Variants in RBM44 observed in about 807,000 individuals in gnomAD.
RBM44 encodes RNA binding motif protein 44.
In RBM44, 66 loss-of-function variants were observed where a neutral mutation model predicts 105.1. The ratio of observed to expected loss-of-function variants is 0.63; its 90% CI spans 0.52 to 0.77. The LOEUF (loss-of-function observed/expected upper bound fraction) is 0.77. Among genes scored for constraint, RBM44 ranks in the 30% least tolerant of loss-of-function variants. The pLI, the probability that RBM44 is intolerant of heterozygous loss-of-function variation, is 0.00. For missense variants in RBM44, 1,122 were observed against 1,207.8 expected (o/e 0.93, Z 1.05); for synonymous variants, 365 against 417.6 (o/e 0.87, Z 1.54).
chr2:237,804,414 C>G (rs2061577871), intron 1 of RBM44, among the ~76,000 whole-genome samples: 1 of 152,212 alleles, frequency 6.6e-6, no homozygotes, highest in Non-Finnish European at 1.5e-5. Context: ...TTCCCACCAA[C>G]AGTTCCCCTT....
chr2:237,801,911 G>T (rs1362398920), intron 1 of RBM44, among the ~76,000 whole-genome samples: 1 of 151,934 alleles, frequency 6.6e-6, no homozygotes, highest in African/African-American at 2.4e-5. Flanking sequence ...CCCAAAGTAG[G>T]TACAGGTTAT....
intron 12 of RBM44, 60 bp downstream of exon 12, chr2:237,827,563 C>G (rs1322220723): frequency 4.5e-5 from 43 of 960,312 alleles, no homozygotes; most frequent in Non-Finnish European, 6.4e-5. Context: ...GCCAAAGGTT[C>G]TATACCAGAT....
intron 15 of RBM44, among the ~76,000 whole-genome samples, chr2:237,839,564 C>A (rs114364971): frequency 6.6e-6 from 1 of 152,074 alleles, no homozygotes; most frequent in Non-Finnish European, 1.5e-5. Flanking sequence ...CCACTGCGCC[C>A]GGCCCCTAAA....
At chr2:237,815,776 T>A (rs1018261955) in intron 2 of RBM44, among the ~76,000 whole-genome samples, 1 of 152,140 alleles carries the variant, frequency 6.6e-6, no homozygotes, top group Non-Finnish European at 1.5e-5. Context: ...TACTATCATC[T>A]CTAATTGGCC....
Position 237,824,267 on chromosome 2 carries a change from A to G in RBM44, c.2321-24A>G, listed in dbSNP as rs201288906. ...GTGTTGGACGTTACGTGTCATTCAT[A>G]GCTCACTGTGTTGAGTGTCTTAGAC... On this transcript the variant is annotated intron_variant, in intron 9 of 15. Transcript: ENST00000316997. 2.5e-5 allele frequency: 41 copies of G among 1,611,174 alleles called. No homozygotes were observed. The Admixed American group carries it at 5.3e-4, about 21-fold the overall frequency.
chr2:237,813,282 T>C (rs530443513), intron 1 of RBM44, among the ~76,000 whole-genome samples: 7 of 152,348 alleles, frequency 4.6e-5, no homozygotes, highest in African/African-American at 1.7e-4. Context: ...TGAGGTAACA[T>C]ATATCAATAG....
chr2:237,813,174 A>G (rs920384026), intron 1 of RBM44, among the ~76,000 whole-genome samples: 1 of 151,944 alleles, frequency 6.6e-6, no homozygotes, highest in Non-Finnish European at 1.5e-5. Flanking sequence ...CTCTATATAC[A>G]TTTTCTTGCT....
Position 237,803,361 on chromosome 2 carries a change from TCACACA to T in RBM44, c.-19+4511_-19+4516del, listed in dbSNP as rs150780739. Reference sequence around the variant, plus strand: ...CACACACACATACTTTCTCTCTCACTCACACACACACACACAAATTTTAAGCCATTC... The same window carrying T: ...CACACACACATACTTTCTCTCTCACTCACACACACAAATTTTAAGCCATTC... On this transcript the variant is annotated intron_variant, in intron 1 of 15. Coordinates refer to ENST00000316997, the MANE Select transcript of RBM44 (RefSeq NM_001080504.3). This position sits in a 1 kb window ranked among gnomAD's most constrained non-coding sequence, Gnocchi z 4.2. 1.4e-5 allele frequency among the ~76,000 whole-genome samples: 2 copies of T among 146,240 alleles called. No individual in the cohort carries two copies. The highest frequency in any genetic ancestry group is 3.0e-5 in the Non-Finnish European group (2 of 65,662).
In RBM44 at chr2:237,817,230, A is replaced by G. The variant is rs776013072; in HGVS notation, c.311A>G (p.Asp104Gly). ...TCAAGTGAACTTGAAGACAGTACTG[A>G]CTATGCTTTCTTGAATAAAACATAT... Reference protein sequence around the residue: ...FQSSELEDSTDYAFLNKTYSI... With the variant: ...FQSSELEDSTGYAFLNKTYSI... The change falls in exon 3 of 16, where the codon GAC (aspartate) becomes GGC (glycine). Residue 104 changes from aspartate to glycine, a missense_variant. Transcript: ENST00000316997. 6.2e-7 allele frequency: 1 copy of G among 1,604,724 alleles called. No individual in the cohort carries two copies. Among genetic ancestry groups the G allele is most frequent in the Non-Finnish European group, 8.5e-7 (1 of 1,176,426 alleles).
intron 12 of RBM44, 67 bp downstream of exon 12, chr2:237,827,570 A>G: frequency 3.3e-6 from 3 of 897,494 alleles, no homozygotes; most frequent in South Asian, 1.5e-5. Flanking sequence ...GTTCTATACC[A>G]GATATCAGCC....
chr2:237,823,611 A>C, intron 9 of RBM44, 57 bp downstream of exon 9: 1 of 740,856 alleles, frequency 1.3e-6, no homozygotes, highest in Non-Finnish European at 2.3e-6. Flanking sequence ...TAAGGTTTAA[A>C]GTATTGGTAG....
intron 5 of RBM44, 166 bp from the exon 6 acceptor site, chr2:237,820,905 T>C: frequency 1.9e-6 from 1 of 513,486 alleles, no homozygotes; most frequent in Non-Finnish European, 3.4e-6. Flanking sequence ...TTTTACAAAT[T>C]AGCTGGGCAT....
In RBM44 at chr2:237,834,102, A is replaced by G. The variant is rs2061932523; in HGVS notation, c.2992A>G (p.Ile998Val). The change falls in exon 14 of 16, where the codon ATC becomes GTC. Residue 998 changes from isoleucine to valine, a missense_variant. Transcript: ENST00000316997. The part of the protein sequence containing the change: ...NTLNLRSFTK[I>V]IKRLAELHPE... ...ATTGAACCTTCGTAGCTTTACCAAG[A>G]TCATAAAGAGACTGGCTGAACTGCA... is the stretch of plus-strand genomic sequence containing the variant. The G allele has an allele frequency of 6.3e-7, 1 of 1,582,288 alleles. No individual in the cohort carries two copies. The highest frequency in any genetic ancestry group is 1.3e-5 in the African/African-American group (1 of 74,434).
In RBM44 at chr2:237,817,580, A is replaced by G. The variant is rs1306640788; in HGVS notation, c.661A>G (p.Asn221Asp). 6.2e-7 allele frequency: 1 copy of G among 1,612,620 alleles called. No homozygotes were observed. The highest frequency in any genetic ancestry group is 1.3e-5 in the African/African-American group (1 of 74,888). Residue 221 changes from asparagine (N) to aspartate (D), a missense_variant, in exon 3 of 16, where the codon AAT (asparagine) becomes GAT (aspartate). Physicochemically the swap from Asn to Asp is conservative, Grantham distance 23. Around this residue, in one of 3 missense-constraint regions of RBM44, gnomAD observed 918 missense variants for 955.3 expected, o/e 0.96. Transcript: ENST00000316997. ...TAATCCAGAAGTTGTTGAATTAGGA[A>G]ATTCGGGTTATGAAGTTAAATGTGC... ...ISNPEVVELG[N>D]SGYEVKCASN...
At chr2:237,812,073 C>CTCG (rs151096961) in intron 1 of RBM44, among the ~76,000 whole-genome samples, 4,012 of 152,250 alleles carry the variant, frequency 0.026, 181 homozygotes, top group African/African-American at 0.091. Context: ...CCAGCCTAGT[C>CTCG]TCGAACTCCT....
intron 15 of RBM44, among the ~76,000 whole-genome samples, chr2:237,839,703 G>A (rs775851418): frequency 5.3e-5 from 8 of 152,070 alleles, no homozygotes; most frequent in South Asian, 2.1e-4. Flanking sequence ...AGAAGAAAAC[G>A]GTGGAAAACT....
In RBM44 at chr2:237,817,346, GT is replaced by G. The variant is rs746070623; in HGVS notation, c.435del (p.Phe145LeufsTer53). 5.0e-6 allele frequency: 8 copies of G among 1,600,596 alleles called. No individual in the cohort carries two copies. In the East Asian group the frequency reaches 6.7e-5, roughly 13 times the overall value. On this transcript the variant is annotated frameshift_variant, in exon 3 of 16. Coordinates refer to ENST00000316997, the MANE Select transcript of RBM44 (RefSeq NM_001080504.3). LOFTEE classifies it high-confidence loss of function. ...TCCTGAAGTGCAGAAAAAAGAGGAGGTTTTTTTTAATATTTTGGAACATCAA... is the reference window on the plus strand; with the variant it reads ...TCCTGAAGTGCAGAAAAAAGAGGAGGTTTTTTTAATATTTTGGAACATCAA... Reference protein sequence around the residue: ...LDPEVQKKEEVFFNILEHQDK... With the variant: ...LDPEVQKKEEXFFNILEHQDK...
At chr2:237,821,025 A>G in intron 5 of RBM44, 46 bp from the exon 6 acceptor site, 1 of 1,373,220 alleles carries the variant, frequency 7.3e-7, no homozygotes, top group Non-Finnish European at 1.0e-6. Context: ...TAAATGGATG[A>G]CTTAGGCCTA....
intron 1 of RBM44, among the ~76,000 whole-genome samples, chr2:237,813,367 A>G (rs1576501311): frequency 6.6e-6 from 1 of 152,172 alleles, no homozygotes; most frequent in African/African-American, 2.4e-5. Context: ...TAAGTGTACA[A>G]ATTGTCTTGG....
Sources: gnomAD v4.1 joint callset for allele counts (sites outside exome capture counted in the v4.1 genomes callset) on GRCh38, gnomAD v4.1.1 for gene constraint, gnomAD v4.1.1 regional missense constraint, Gnocchi (gnomAD v3.1) non-coding constraint, MANE v1.5 for transcripts, NCBI Gene and HGNC (gene_info 2026-07-23, HGNC 2026-07-21) for gene names.